Variants in OC90 observed in about 807,000 individuals in gnomAD.
OC90 encodes the protein otoconin-90.
In OC90, 46 loss-of-function variants were observed where a neutral mutation model predicts 47.3. The ratio of observed to expected loss-of-function variants is 0.97; its 90% CI spans 0.77 to 1.24. The LOEUF (loss-of-function observed/expected upper bound fraction) is 1.24, where lower values mean the gene tolerates loss of function less well. OC90 is among the 50% of genes most tolerant of loss of function. The pLI is 0.00. For synonymous variants in OC90, 271 were observed against 219.5 expected, an observed-to-expected ratio of 1.23 and a Z score of -2.07; for missense variants, 688 against 583.9, an observed-to-expected ratio of 1.18 and a Z score of -1.84.
chr8:132,055,834 C>G (rs10093182), intron 1 of OC90, among the ~76,000 whole-genome samples: 10,446 of 152,128 alleles, frequency 0.069, 1,075 homozygotes, highest in African/African-American at 0.22. Flanking sequence ...CTGCTGAGAT[C>G]AGCAAATATT....
chr8:132,040,429 C>T (rs1037413604), intron 6 of OC90, among the ~76,000 whole-genome samples: 2 of 152,170 alleles, frequency 1.3e-5, no homozygotes, highest in South Asian at 2.1e-4. Flanking sequence ...CATGCCTTTG[C>T]GTATTCTACC....
intron 12 of OC90, 88 bp from the exon 13 acceptor site, chr8:132,029,267 T>C (rs1822837692): frequency 9.9e-7 from 1 of 1,009,488 alleles, no homozygotes; most frequent in East Asian, 2.4e-5. Flanking sequence ...CCACATACCC[T>C]ATAGTAGTGA....
intron 2 of OC90, among the ~76,000 whole-genome samples, chr8:132,051,944 A>G (rs1412074618): frequency 1.1e-4 from 17 of 152,196 alleles, no homozygotes; most frequent in Admixed American, 1.1e-3. Flanking sequence ...TCCAATTTTA[A>G]ACTCTTGGCT....
chr8:132,056,557 T>G (rs1459854625), intron 1 of OC90, among the ~76,000 whole-genome samples: 11 of 152,242 alleles, frequency 7.2e-5, no homozygotes, highest in African/African-American at 2.7e-4. Context: ...ACGCTCTGCT[T>G]AGAGCCTTTT....
At chr8:132,049,214 C>CT (rs1823179695) in intron 2 of OC90, among the ~76,000 whole-genome samples, 2 of 151,288 alleles carry the variant, frequency 1.3e-5, no homozygotes, top group East Asian at 3.9e-4. Flanking sequence ...CTTTACAACA[C>CT]TTTTTTGTGT....
intron 13 of OC90, among the ~76,000 whole-genome samples, chr8:132,025,952 C>T (rs1822751429): frequency 6.6e-6 from 1 of 152,190 alleles, no homozygotes; most frequent in South Asian, 2.1e-4. Flanking sequence ...GTTACTTCTT[C>T]CTTCTCTGGG....
intron 10 of OC90, 109 bp from the exon 11 acceptor site, chr8:132,033,273 G>A (rs1012401977): frequency 8.9e-7 from 1 of 1,119,104 alleles, no homozygotes; most frequent in Non-Finnish European, 1.3e-6. Flanking sequence ...ATAGTGTTAG[G>A]AGAATGTTCC....
At chr8:132,042,639 T>G (rs1823070588) in intron 4 of OC90, among the ~76,000 whole-genome samples, 1 of 152,212 alleles carries the variant, frequency 6.6e-6, no homozygotes, top group African/African-American at 2.4e-5. Context: ...TATTTGTATT[T>G]CTGTTCTTGC....
At position 132,029,085 on chromosome 8, in the gene OC90, G is replaced by A. The variant is rs763542788; in HGVS notation, c.1126C>T (p.His376Tyr). ...CAACAGCACTTACACTTGGGCGTAT[G>A]ATCCACACACACCACCGGTGACCAA... is the stretch of plus-strand genomic sequence containing the variant. ...LPWSPVVCVD[H>Y]TPKCGGQSLC... The change falls in exon 13 of 14, where the codon CAT becomes TAT. Residue 376 changes from histidine to tyrosine, a missense_variant. By Grantham distance (83) the His-to-Tyr change is moderately conservative. Transcript: ENST00000254627. The A allele has an allele frequency of 8.7e-6, 14 of 1,612,346 alleles. No individual in the cohort carries two copies. The highest frequency in any genetic ancestry group is 1.2e-5 in the Non-Finnish European group (14 of 1,178,542).
intron 2 of OC90, among the ~76,000 whole-genome samples, chr8:132,050,846 C>T (rs144866950): frequency 1.1e-4 from 16 of 152,088 alleles, no homozygotes; most frequent in African/African-American, 2.7e-4. Context: ...ACTAAAAATA[C>T]GAAATAAACT....
intron 1 of OC90, among the ~76,000 whole-genome samples, chr8:132,057,461 ATGCTC>A (rs1823292224): frequency 2.0e-5 from 3 of 152,340 alleles, no homozygotes; most frequent in East Asian, 1.9e-4. Flanking sequence ...AATTTTGACT[ATGCTC>A]TAATTTATTT....
chr8:132,051,207 C>T (rs917907436), intron 2 of OC90, among the ~76,000 whole-genome samples: 1 of 152,128 alleles, frequency 6.6e-6, no homozygotes, highest in African/African-American at 2.4e-5. Context: ...ATTCCTGAAC[C>T]CCAGCCAAGT....
chr8:132,039,867 C>T (rs986907835), intron 6 of OC90, among the ~76,000 whole-genome samples: 8 of 152,092 alleles, frequency 5.3e-5, no homozygotes, highest in African/African-American at 1.7e-4. Flanking sequence ...TTTTCTTGAC[C>T]TTCCCATTTA....
At chr8:132,038,534 C>T (rs1024124911) in intron 8 of OC90, among the ~76,000 whole-genome samples, 3 of 152,234 alleles carry the variant, frequency 2.0e-5, no homozygotes, top group African/African-American at 7.2e-5. Flanking sequence ...TTGGGTTCTA[C>T]ATCCACACTG....
chr8:132,032,941 T>C, intron 11 of OC90, 98 bp downstream of exon 11: 1 of 1,346,772 alleles, frequency 7.4e-7, no homozygotes, highest in East Asian at 2.5e-5. Flanking sequence ...CACACCCCCA[T>C]GAGAAGGTCA....
At chr8:132,035,683 A>G (rs974023262) in intron 9 of OC90, among the ~76,000 whole-genome samples, 1 of 152,250 alleles carries the variant, frequency 6.6e-6, no homozygotes, top group African/African-American at 2.4e-5. Flanking sequence ...AAAGAGGGAG[A>G]TTCTGGACCA....
intron 2 of OC90, among the ~76,000 whole-genome samples, chr8:132,052,599 C>A (rs1319101916): frequency 1.3e-5 from 2 of 152,170 alleles, no homozygotes; most frequent in East Asian, 3.9e-4. Context: ...AAAATAGTCA[C>A]CCAGGATGTG....
intron 9 of OC90, among the ~76,000 whole-genome samples, chr8:132,035,994 A>T (rs1196261022): frequency 6.6e-6 from 1 of 152,252 alleles, no homozygotes; most frequent in African/African-American, 2.4e-5. Flanking sequence ...TCATTGATTT[A>T]TGCTTATTAA....
At chr8:132,045,086 C>T (rs766412533) in intron 3 of OC90, among the ~76,000 whole-genome samples, 45 of 152,202 alleles carry the variant, frequency 3.0e-4, no homozygotes, top group Admixed American at 1.4e-3. Context: ...CTTCTAAATG[C>T]CAAGTGTGGC....
Sources: gnomAD v4.1 joint callset for allele counts (sites outside exome capture counted in the v4.1 genomes callset) on GRCh38, gnomAD v4.1.1 for gene constraint, MANE v1.5 for transcripts, NCBI Gene and HGNC (gene_info 2026-07-23, HGNC 2026-07-21) for gene names.